The following BRWD1 variants were observed in gnomAD, a reference collection of about 807,000 sequenced individuals.
The protein encoded by BRWD1 is bromodomain and WD repeat domain containing 1.
BRWD1 carries 82 observed loss-of-function variants against 251.2 expected under a neutral mutation model. The observed-to-expected ratio is 0.33, with a 90% confidence interval of 0.27 to 0.39. The LOEUF is 0.39. BRWD1 is among the 10% of genes least tolerant of loss of function. The pLI is 1.00. For synonymous variants in BRWD1, 918 were observed against 902.8 expected, an observed-to-expected ratio of 1.02 and a Z score of -0.30; for missense variants, 2,233 against 2,711.6, an observed-to-expected ratio of 0.82 and a Z score of 3.92.
At position 39,313,553 on chromosome 21, in the gene BRWD1, GGCCT is replaced by G; in HGVS notation, c.-66_-63del. 1 of 1,259,542 alleles carries G rather than the reference GGCCT, an allele frequency of 7.9e-7. No individual in the cohort carries two copies. Among genetic ancestry groups the G allele is most frequent in the African/African-American group, 1.6e-5 (1 of 63,436 alleles). 78.0% of individuals were successfully genotyped at this position (1,259,542 alleles called of 1,614,324 possible). The stretch of plus-strand genomic sequence containing the variant: ...GAGCGGAGCGTGTAGGCCGCGCCGA[GGCCT>G]GACCGGGCTGGCGTCCCCTCTTCTC... On this transcript the variant is annotated 5_prime_UTR_variant, in exon 1 of 41. Transcript: ENST00000342449.
chr21:39,268,375 A>C (rs1186963880), intron 15 of BRWD1, among the ~76,000 whole-genome samples: 1 of 150,262 alleles, frequency 6.7e-6, no homozygotes, highest in East Asian at 2.0e-4. Context: ...CAGGAGGCGG[A>C]GGTCGCAGCG....
At position 39,295,789 on chromosome 21, in the gene BRWD1, G is replaced by C; in HGVS notation, c.563C>G (p.Ala188Gly). 1 of 1,611,254 alleles carries C rather than the reference G, an allele frequency of 6.2e-7. No homozygotes were observed. The highest frequency in any genetic ancestry group is 8.5e-7 in the Non-Finnish European group (1 of 1,178,312). ...MHRRILGHLS[A>G]VYCVAFDRTG... Reference sequence around the variant, plus strand: ...CCTATCAAATGCTACACAGTAAACAGCAGATAGATGTCCGAGAATCCTTCT... The same window carrying C: ...CCTATCAAATGCTACACAGTAAACACCAGATAGATGTCCGAGAATCCTTCT... Residue 188 changes from alanine (A) to glycine (G), a missense_variant, in exon 7 of 41, where the codon GCT (alanine) becomes GGT (glycine). Ala to Gly is a moderately conservative substitution (Grantham distance 60). Around this residue, in one of 12 missense-constraint regions of BRWD1, gnomAD observed 185 missense variants for 260.6 expected, o/e 0.71. Transcript: ENST00000342449.
rs1181278071 is a variant in BRWD1 at position 39,232,466 on chromosome 21, T to G, written c.2799A>C (p.Ala933=). 1 of 1,587,152 alleles carries G rather than the reference T, an allele frequency of 6.3e-7. No individual in the cohort carries two copies. The highest frequency in any genetic ancestry group is 2.0e-5 in the Admixed American group (1 of 49,786). Residue 933 remains alanine (A), a synonymous_variant, in exon 24 of 41, where the codon GCA becomes GCC. Transcript: ENST00000342449. ...GAAATTCATATAAATGCTCCATATT[T>G]GCAAGCTCTGCTGGAGTCATCCTCC... ...NLRRMTPAEL[A]NMEHLYEFHP...
chr21:39,210,238 G>A lies in BRWD1; in HGVS notation c.4045-91C>T, dbSNP rs151279035. On this transcript the variant is annotated intron_variant, in intron 35 of 40. Transcript: ENST00000342449. ...AGATCTCTAAAAAATGTGAAATGAT[G>A]GAAGAGAGGAAAAGGTTAGAGGACT... 98 of 1,100,342 alleles carry A rather than the reference G, an allele frequency of 8.9e-5. 2 individuals carry two copies. The Admixed American group carries it at 2.1e-3, about 23-fold the overall frequency. The allele number at this position is 1,100,342 out of a possible 1,614,324, so 68.2% of individuals were successfully genotyped here.
intron 15 of BRWD1, among the ~76,000 whole-genome samples, chr21:39,268,966 C>T (rs991659417): frequency 6.6e-5 from 10 of 151,310 alleles, no homozygotes; most frequent in African/African-American, 2.2e-4. Context: ...CCAGCCTGGG[C>T]GACAGAGCGA....
chr21:39,295,665 CTA>C, intron 7 of BRWD1, 76 bp downstream of exon 7: 1 of 1,197,396 alleles, frequency 8.4e-7, no homozygotes, highest in South Asian at 2.2e-5. Flanking sequence ...GAAACAGAAA[CTA>C]AGATTTCCTA....
chr21:39,262,429 C>T (rs533939946), intron 17 of BRWD1, among the ~76,000 whole-genome samples: 13 of 152,338 alleles, frequency 8.5e-5, no homozygotes, highest in African/African-American at 2.6e-4. Flanking sequence ...AAAGATTACA[C>T]TTTGTGGCCA....
chr21:39,246,767 G>A (rs2034204027), intron 21 of BRWD1, among the ~76,000 whole-genome samples: 1 of 152,154 alleles, frequency 6.6e-6, no homozygotes. Context: ...TGTCAAAGAA[G>A]CCAGTCACAA....
rs138340460 is a variant in BRWD1 at position 39,191,789 on chromosome 21, A to G, written c.*4470T>C. On this transcript the variant is annotated 3_prime_UTR_variant, in exon 41 of 41. Transcript: ENST00000342449. ...TGGTCATCTCATTTCAGTTAGGTCAATTGGACTGCCTCTTCTCTTTGGCAG... is the reference window on the plus strand; with the variant it reads ...TGGTCATCTCATTTCAGTTAGGTCAGTTGGACTGCCTCTTCTCTTTGGCAG... 1.5e-4 allele frequency: 151 copies of G among 985,052 alleles called. 6 individuals carry two copies. In the East Asian group the frequency reaches 0.013, roughly 83 times the overall value. 61.0% of individuals were successfully genotyped at this position (985,052 alleles called of 1,614,324 possible).
At chr21:39,298,107 A>G (rs933518868) in intron 5 of BRWD1, 10 of 1,011,722 alleles carry the variant, frequency 9.9e-6, no homozygotes, top group Non-Finnish European at 9.4e-6. Flanking sequence ...AGACACATAC[A>G]ATTACATTCA....
intron 4 of BRWD1, among the ~76,000 whole-genome samples, chr21:39,303,708 A>C (rs1466181601): frequency 6.6e-6 from 1 of 151,556 alleles, no homozygotes; most frequent in Non-Finnish European, 1.5e-5. Context: ...CTGTGGTTCC[A>C]GCTACTCAGG....
At position 39,198,711 on chromosome 21, in the gene BRWD1, G is replaced by A. The variant is rs947777915; in HGVS notation, c.5653+52C>T. On this transcript the variant is annotated intron_variant, in intron 40 of 40. Coordinates refer to ENST00000342449, the MANE Select transcript of BRWD1 (RefSeq NM_033656.4). ...GGGGAAAAAACCAATGTGTGTAAGA[G>A]AAAAGGATGGTGAGAGTCAATCAGT... 4.8e-6 allele frequency: 7 copies of A among 1,471,358 alleles called. No homozygotes were observed. The East Asian group carries it at 1.6e-4, about 34-fold the overall frequency. 91.1% of individuals were successfully genotyped at this position (1,471,358 alleles called of 1,614,324 possible).
intron 37 of BRWD1, 69 bp from the exon 38 acceptor site, chr21:39,202,614 G>C: frequency 9.6e-7 from 1 of 1,042,726 alleles, no homozygotes; most frequent in Non-Finnish European, 1.4e-6. Flanking sequence ...CACAGAGAAT[G>C]ACTAAATAGA....
intron 5 of BRWD1, chr21:39,297,518 T>C (rs748032917): frequency 2.0e-6 from 1 of 507,304 alleles, no homozygotes; most frequent in Non-Finnish European, 2.5e-6. Context: ...TTAACTACCA[T>C]ATAACCAGCT....
At chr21:39,317,923 G>A (rs2036714455), upstream of BRWD1, among the ~76,000 whole-genome samples, 1 of 152,114 alleles carries the variant, frequency 6.6e-6, no homozygotes, top group South Asian at 2.1e-4. Flanking sequence ...GGTGTTGGGT[G>A]ACTGTAGTTT....
chr21:39,268,645 C>T (rs569351257), intron 15 of BRWD1, among the ~76,000 whole-genome samples: 1 of 151,748 alleles, frequency 6.6e-6, no homozygotes, highest in East Asian at 1.9e-4. Context: ...AGTTAAAGGC[C>T]AAGAAAGAGG....
chr21:39,253,393 C>A (rs182835247), intron 19 of BRWD1, among the ~76,000 whole-genome samples: 1 of 151,636 alleles, frequency 6.6e-6, no homozygotes, highest in South Asian at 2.1e-4. Flanking sequence ...ACTATTCCAG[C>A]CTTAGATTAT....
intron 19 of BRWD1, among the ~76,000 whole-genome samples, 172 bp downstream of exon 19, chr21:39,255,473 T>TA (rs2034534547): frequency 6.6e-6 from 1 of 152,022 alleles, no homozygotes. Context: ...GTAAAAACAT[T>TA]AGAGAATAAT....
Position 39,197,358 on chromosome 21 carries a change from G to A in BRWD1, c.5711C>T (p.Ser1904Phe), listed in dbSNP as rs1185669716. Residue 1904 changes from serine (S) to phenylalanine (F), a missense_variant, in exon 41 of 41, where the codon TCC becomes TTC. This residue lies in a region of BRWD1 where 928 missense variants were observed against 970.0 expected (regional missense o/e 0.96). Transcript: ENST00000342449. ...SRKISRKRVC[S>F]SDSDSSLQVV... The stretch of plus-strand genomic sequence containing the variant: ...CTGTAAACTACTGTCTGAGTCACTG[G>A]AACAGACCCTTTTCCTGGAAATTTT... 6.2e-7 allele frequency: 1 copy of A among 1,609,712 alleles called. No homozygotes were observed. Among genetic ancestry groups the A allele is most frequent in the Admixed American group, 1.7e-5 (1 of 59,044 alleles).
Sources: gnomAD v4.1 joint callset for allele counts (sites outside exome capture counted in the v4.1 genomes callset) on GRCh38, gnomAD v4.1.1 for gene constraint, gnomAD v4.1.1 regional missense constraint, MANE v1.5 for transcripts, NCBI Gene and HGNC (gene_info 2026-07-23, HGNC 2026-07-21) for gene names.